Variants in USH2A observed in about 807,000 individuals in gnomAD.
The protein encoded by USH2A is Usher syndrome 2A (autosomal recessive, mild).
USH2A carries 443 observed loss-of-function variants against 538.9 expected under a neutral mutation model. That is an observed-to-expected ratio of 0.82 (90% CI 0.76 to 0.89). The LOEUF is 0.89. Among genes scored for constraint, USH2A ranks in the 40% least tolerant of loss-of-function variants. The pLI is 0.00. For missense variants in USH2A, 6,633 were observed against 6,324.8 expected, an observed-to-expected ratio of 1.05 and a Z score of -1.65; for synonymous variants, 2,413 against 2,273.5, an observed-to-expected ratio of 1.06 and a Z score of -1.75.
At position 216,422,264 on chromosome 1, in the gene USH2A, A is replaced by C. The variant is rs370619684; in HGVS notation, c.73T>G (p.Phe25Val). 2 of 1,613,604 alleles carry C rather than the reference A, an allele frequency of 1.2e-6. No individual in the cohort carries two copies. The highest frequency in any genetic ancestry group is 1.7e-6 in the Non-Finnish European group (2 of 1,179,850). ...GACTCAGTCAAGGATATTGAAGCAA[A>C]ATAGGCAAAGATCAACATTTCAATG... The part of the protein sequence containing the change: ...QVIEMLIFAY[F>V]ASISLTESRG... The change falls in exon 2 of 72, where the codon TTT (phenylalanine) becomes GTT (valine). Residue 25 changes from phenylalanine (F) to valine (V), a missense_variant. Coordinates refer to ENST00000307340, the MANE Select transcript of USH2A (RefSeq NM_206933.4).
intron 20 of USH2A, among the ~76,000 whole-genome samples, chr1:216,184,430 C>T (rs548304940): frequency 6.6e-6 from 1 of 152,040 alleles, no homozygotes; most frequent in South Asian, 2.1e-4. Flanking sequence ...AATTGAAGGA[C>T]AGCAACAAAA....
intron 43 of USH2A, among the ~76,000 whole-genome samples, chr1:215,870,323 T>C (rs1664592323): frequency 6.6e-6 from 1 of 151,584 alleles, no homozygotes. Flanking sequence ...TGAGACGGAG[T>C]CTCGCTCTGT....
chr1:216,022,403 C>T (rs889917952), intron 32 of USH2A, among the ~76,000 whole-genome samples: 9 of 152,016 alleles, frequency 5.9e-5, no homozygotes, highest in South Asian at 2.1e-4. Flanking sequence ...GATAACCCAG[C>T]GAAAGCCCAT....
At chr1:216,143,512 TG>T (rs1166980726) in intron 21 of USH2A, among the ~76,000 whole-genome samples, 1 of 152,192 alleles carries the variant, frequency 6.6e-6, no homozygotes, top group Admixed American at 6.5e-5. Context: ...AAAATATAGA[TG>T]GTTCTTTCTT....
At chr1:216,397,824 A>G (rs953915191) in intron 3 of USH2A, among the ~76,000 whole-genome samples, 2 of 152,222 alleles carry the variant, frequency 1.3e-5, no homozygotes, top group African/African-American at 2.4e-5. Context: ...AGTGGCTTCT[A>G]TCATTCTATA....
chr1:216,190,366 A>G lies in USH2A; in HGVS notation c.4253T>C (p.Leu1418Pro). 1 of 1,611,432 alleles carries G rather than the reference A, an allele frequency of 6.2e-7. No individual in the cohort carries two copies. The highest frequency in any genetic ancestry group is 1.1e-5 in the South Asian group (1 of 91,032). Residue 1418 changes from leucine (L) to proline (P), a missense_variant and splice_region_variant, in exon 20 of 72, where the codon CTG (leucine) becomes CCG (proline). Transcript: ENST00000307340. ...QQSIPMAFSQ[L>P]LHTAKSQELS... is the part of the protein sequence containing the mutation. ...TTCTTGGGATTTAGCAGTGTGCAAC[A>G]GCTTCAAGGCAAAAAAGAAAGAAAG...
chr1:215,912,617 C>A (rs545679540), intron 38 of USH2A, among the ~76,000 whole-genome samples: 2 of 151,230 alleles, frequency 1.3e-5, no homozygotes, highest in Non-Finnish European at 2.9e-5. Flanking sequence ...TCCCCGCAAG[C>A]ATTTATCCTT....
intron 13 of USH2A, among the ~76,000 whole-genome samples, chr1:216,240,334 C>T (rs2035913388): frequency 6.6e-6 from 1 of 152,010 alleles, no homozygotes; most frequent in Non-Finnish European, 1.5e-5. Context: ...TGAAAGGTTG[C>T]TTGTGATTGT....
At chr1:215,938,640 A>G (rs148376523) in intron 37 of USH2A, among the ~76,000 whole-genome samples, 153 of 152,208 alleles carry the variant, frequency 1.0e-3, no homozygotes, top group African/African-American at 3.6e-3. Flanking sequence ...ATTTGTGAGT[A>G]TAAGTGGATG....
At chr1:216,225,759 T>C (rs1473821775) in intron 14 of USH2A, among the ~76,000 whole-genome samples, 1 of 152,164 alleles carries the variant, frequency 6.6e-6, no homozygotes, top group East Asian at 1.9e-4. Context: ...AAGATGATGA[T>C]AGCATGAGAT....
In USH2A at chr1:216,296,247, T is replaced by A. The variant is rs571155149; in HGVS notation, c.1645-3877A>T. Among the ~76,000 whole-genome samples, 3 of 152,208 alleles carry A rather than the reference T, an allele frequency of 2.0e-5. No homozygotes were observed. The South Asian group carries it at 6.2e-4, about 32-fold the overall frequency. On this transcript the variant is annotated intron_variant, in intron 9 of 71. Coordinates refer to ENST00000307340, the MANE Select transcript of USH2A (RefSeq NM_206933.4). ...AAAATAATTCACCCTTTTGGTCATT[T>A]TACAATGGTCAAGTTAAACTCTATG...
chr1:216,124,638 C>G (rs1348416065), intron 21 of USH2A, among the ~76,000 whole-genome samples: 1 of 152,084 alleles, frequency 6.6e-6, no homozygotes, highest in African/African-American at 2.4e-5. Flanking sequence ...AACCTTACAC[C>G]GAGTTTTAAA....
chr1:215,959,494 C>T (rs926808923), intron 37 of USH2A, among the ~76,000 whole-genome samples: 1 of 151,980 alleles, frequency 6.6e-6, no homozygotes, highest in East Asian at 1.9e-4. Context: ...CACCTAAAAC[C>T]TGTTTGTTGT....
At chr1:216,195,568 C>T (rs919275742) in intron 19 of USH2A, among the ~76,000 whole-genome samples, 1 of 151,772 alleles carries the variant, frequency 6.6e-6, no homozygotes, top group Non-Finnish European at 1.5e-5. Context: ...AGAGACGTGT[C>T]TCAAGGTAAA....
At chr1:216,322,911 T>C (rs1024114873) in intron 8 of USH2A, among the ~76,000 whole-genome samples, 42 of 152,184 alleles carry the variant, frequency 2.8e-4, no homozygotes, top group African/African-American at 1.0e-3. Flanking sequence ...GCAGCTGTCA[T>C]TTCTTTTTAA....
At chr1:216,088,447 T>C (rs891264352) in intron 23 of USH2A, among the ~76,000 whole-genome samples, 1 of 152,174 alleles carries the variant, frequency 6.6e-6, no homozygotes, top group African/African-American at 2.4e-5. Flanking sequence ...TAATAGGTAC[T>C]GATTAAAATT....
intron 9 of USH2A, among the ~76,000 whole-genome samples, chr1:216,321,316 G>T (rs1408124823): frequency 2.6e-5 from 4 of 152,008 alleles, no homozygotes; most frequent in Non-Finnish European, 5.9e-5. Context: ...TTTCCCTAAA[G>T]ATGAAGCTAA....
intron 3 of USH2A, among the ~76,000 whole-genome samples, chr1:216,391,172 T>C (rs1244986759): frequency 6.6e-6 from 1 of 152,220 alleles, no homozygotes; most frequent in Non-Finnish European, 1.5e-5. Context: ...GCTGGTGCTA[T>C]GAATCAACCA....
At position 215,993,041 on chromosome 1, in the gene USH2A, T is replaced by C. The variant is rs1241002864; in HGVS notation, c.6784A>G (p.Thr2262Ala). The C allele has an allele frequency of 6.2e-7, 1 of 1,614,118 alleles. No individual in the cohort carries two copies. Residue 2262 changes from threonine (T) to alanine (A), a missense_variant, in exon 35 of 72, where the codon ACT (threonine) becomes GCT (alanine). By Grantham distance (58) the Thr-to-Ala change is moderately conservative (BLOSUM62 0). Transcript: ENST00000307340. ...YSPDSFNVSW[T>A]EPEYPNGVIT... ...TTACCATTCGGATATTCAGGCTCAG[T>C]CCAGGAGACATTAAAGGAGTCAGGT...
Sources: allele counts gnomAD v4.1 joint callset (sites outside exome capture counted in the v4.1 genomes callset), GRCh38; gene constraint gnomAD v4.1.1; transcripts MANE v1.5; gene names NCBI Gene and HGNC (gene_info 2026-07-23, HGNC 2026-07-21).